PDE4D: variants seen among roughly 807,000 people sequenced by gnomAD.
The protein encoded by PDE4D is phosphodiesterase 4D.
A neutral mutation model predicts 87.4 loss-of-function variants in PDE4D; 24 were observed. That is an observed-to-expected ratio of 0.27 (90% confidence interval 0.20 to 0.39). PDE4D has a LOEUF of 0.39. PDE4D is among the 10% of genes least tolerant of loss of function. The pLI is 1.00. For synonymous variants in PDE4D, 384 were observed against 383.2 expected (o/e 1.00, Z -0.02); for missense variants, 714 against 1,041.0 (o/e 0.69, Z 4.32).
intron 1 of PDE4D, among the ~76,000 whole-genome samples, chr5:59,412,794 G>A (rs1792920873): frequency 6.6e-6 from 1 of 152,124 alleles, no homozygotes; most frequent in Non-Finnish European, 1.5e-5. Context: ...AACTATTTTG[G>A]TCTAACATGA....
intron 1 of PDE4D, among the ~76,000 whole-genome samples, chr5:59,881,680 T>C (rs1296078111): frequency 1.3e-5 from 2 of 152,166 alleles, no homozygotes; most frequent in Admixed American, 1.3e-4. Flanking sequence ...GTTCAAGCAA[T>C]GTACAAATAC....
intron 1 of PDE4D, among the ~76,000 whole-genome samples, chr5:59,748,545 G>T (rs144637130): frequency 2.7e-5 from 4 of 150,606 alleles, no homozygotes; most frequent in Admixed American, 1.3e-4. Context: ...GCAAACTATC[G>T]CAAGGACAAA....
intron 5 of PDE4D, chr5:59,039,634 C>T (rs1759277247): frequency 4.5e-6 from 2 of 443,338 alleles, no homozygotes; most frequent in Non-Finnish European, 6.0e-6. Context: ...GGCTCCTCCT[C>T]AACCCCCTTA....
chr5:58,978,814 T>C (rs982177744), intron 11 of PDE4D, among the ~76,000 whole-genome samples: 1 of 152,198 alleles, frequency 6.6e-6, no homozygotes, highest in Admixed American at 6.5e-5. Context: ...GGTGAACTTT[T>C]ATAGTGTCTA....
chr5:60,273,410 C>T (rs1421963764), intron 1 of PDE4D, among the ~76,000 whole-genome samples: 2 of 152,080 alleles, frequency 1.3e-5, no homozygotes, highest in Admixed American at 6.5e-5. Flanking sequence ...GGTGAGCAAG[C>T]ACCAGATAAT....
intron 1 of PDE4D, among the ~76,000 whole-genome samples, chr5:59,748,243 C>G (rs1459023644): frequency 6.6e-6 from 1 of 152,204 alleles, no homozygotes; most frequent in Admixed American, 6.5e-5. Context: ...ACTTTGCACT[C>G]TCTTGAATCA....
intron 1 of PDE4D, among the ~76,000 whole-genome samples, chr5:59,868,020 T>C (rs1347437542): frequency 1.3e-5 from 2 of 152,140 alleles, no homozygotes; most frequent in East Asian, 1.9e-4. Context: ...AATTAATCAA[T>C]TGATCTTTTA....
intron 1 of PDE4D, among the ~76,000 whole-genome samples, chr5:59,492,158 T>C (rs1238627679): frequency 2.6e-5 from 4 of 152,180 alleles, no homozygotes; most frequent in African/African-American, 7.2e-5. Flanking sequence ...GCATCACCTC[T>C]TTCTTCCTTG....
intron 5 of PDE4D, among the ~76,000 whole-genome samples, chr5:59,121,134 C>T (rs939509481): frequency 3.9e-5 from 6 of 152,112 alleles, no homozygotes; most frequent in African/African-American, 1.4e-4. Flanking sequence ...GGACATTGGT[C>T]TAGGCAAAGA....
intron 1 of PDE4D, among the ~76,000 whole-genome samples, chr5:59,606,579 C>A (rs575179091): frequency 5.6e-4 from 85 of 152,146 alleles, no homozygotes; most frequent in African/African-American, 1.6e-3. Flanking sequence ...CTACCTTTGC[C>A]CACCATACTG....
At chr5:59,821,640 T>G (rs1581258966) in intron 1 of PDE4D, among the ~76,000 whole-genome samples, 1 of 152,358 alleles carries the variant, frequency 6.6e-6, no homozygotes, top group East Asian at 1.9e-4. Flanking sequence ...TTTTAGTTGC[T>G]ATATTGTTGA....
At chr5:59,234,752 T>C (rs907649803) in intron 1 of PDE4D, among the ~76,000 whole-genome samples, 5 of 152,208 alleles carry the variant, frequency 3.3e-5, no homozygotes, top group African/African-American at 1.2e-4. Flanking sequence ...AGGATAGATG[T>C]CAGTTTTTTA....
intron 5 of PDE4D, among the ~76,000 whole-genome samples, chr5:59,144,226 A>T (rs1778303384): frequency 6.6e-6 from 1 of 152,130 alleles, no homozygotes; most frequent in Admixed American, 6.6e-5. Flanking sequence ...GGGTCAGGAG[A>T]TGTGAGTTCT....
chr5:60,443,578 A>T (rs1043800638), intron 1 of PDE4D, among the ~76,000 whole-genome samples: 2 of 152,180 alleles, frequency 1.3e-5, no homozygotes, highest in African/African-American at 4.8e-5. Context: ...TGAACTTAAC[A>T]TTCTCAAAAA....
chr5:59,726,448 T>C (rs1378415375), intron 1 of PDE4D, among the ~76,000 whole-genome samples: 1 of 152,038 alleles, frequency 6.6e-6, no homozygotes, highest in African/African-American at 2.4e-5. Flanking sequence ...AATGATGGGA[T>C]TGGTGCTCTT....
chr5:59,050,856 A>G (rs540773375), intron 5 of PDE4D, among the ~76,000 whole-genome samples: 17 of 152,388 alleles, frequency 1.1e-4, no homozygotes, highest in African/African-American at 4.1e-4. Flanking sequence ...CAAGGGCTGT[A>G]TCTGACATAT....
chr5:59,603,932 G>C lies in PDE4D; in HGVS notation c.455+289236C>G, dbSNP rs141332594. Among the ~76,000 whole-genome samples, 50 of 152,052 alleles carry C rather than the reference G, an allele frequency of 3.3e-4. No homozygotes were observed. The East Asian group carries it at 6.9e-3, about 21-fold the overall frequency. On this transcript the variant is annotated intron_variant, in intron 1 of 14. Coordinates refer to ENST00000340635, the MANE Select transcript of PDE4D (RefSeq NM_001104631.2). ...GTGTTTTCATCACAAAAATAACCAT[G>C]TGAGTTAATGCATGTTAATTTTCTA...
intron 1 of PDE4D, among the ~76,000 whole-genome samples, chr5:60,484,968 T>C (rs2150224220): frequency 6.6e-6 from 1 of 152,330 alleles, no homozygotes. Context: ...GACTGAGGCT[T>C]AGAAAACGTT....
At chr5:59,179,516 G>A (rs1206713733) in intron 5 of PDE4D, 1 of 322,760 alleles carries the variant, frequency 3.1e-6, no homozygotes, top group Non-Finnish European at 5.9e-6. Flanking sequence ...ACATGAAGAA[G>A]AGATCAATAA....
Sources: gnomAD v4.1 joint callset for allele counts (sites outside exome capture counted in the v4.1 genomes callset) on GRCh38, gnomAD v4.1.1 for gene constraint, MANE v1.5 for transcripts, NCBI Gene and HGNC (gene_info 2026-07-23, HGNC 2026-07-21) for gene names.